Variants in GAS7 observed in about 807,000 individuals in gnomAD.
GAS7 encodes the protein growth arrest specific 7.
A neutral mutation model predicts 71.1 loss-of-function variants in GAS7; 28 were observed. The observed-to-expected ratio is 0.39, with a 90% CI of 0.29 to 0.54. The LOEUF (loss-of-function observed/expected upper bound fraction) is 0.54. GAS7 is among the 20% of genes least tolerant of loss of function. GAS7 has a pLI of 0.62. For synonymous variants in GAS7, 258 were observed against 245.8 expected, an observed-to-expected ratio of 1.05 and a Z score of -0.46; for missense variants, 436 against 627.8, an observed-to-expected ratio of 0.69 and a Z score of 3.27.
chr17:9,976,772 C>T (rs75934743), intron 3 of GAS7, among the ~76,000 whole-genome samples: 3,378 of 152,258 alleles, frequency 0.022, 94 homozygotes, highest in African/African-American at 0.063. Flanking sequence ...CTCCCACAAC[C>T]GCCCACCAGG....
chr17:10,127,978 C>G (rs187067215), intron 1 of GAS7, among the ~76,000 whole-genome samples: 5 of 152,348 alleles, frequency 3.3e-5, no homozygotes, highest in Admixed American at 1.3e-4. Context: ...AGCTAATCCT[C>G]TGCTCTCAGG....
At chr17:9,931,757 A>T (rs182329114) in intron 9 of GAS7, among the ~76,000 whole-genome samples, 1 of 152,280 alleles carries the variant, frequency 6.6e-6, no homozygotes, top group Non-Finnish European at 1.5e-5. Flanking sequence ...ATTCTCACTC[A>T]CATCTGGGTG....
rs773831004 is a variant in GAS7 at position 9,918,060 on chromosome 17, G to T, written c.1258C>A (p.Arg420=). 2 of 1,613,858 alleles carry T rather than the reference G, an allele frequency of 1.2e-6. No individual in the cohort carries two copies. Among genetic ancestry groups the T allele is most frequent in the Non-Finnish European group, 8.5e-7 (1 of 1,179,814 alleles). Residue 420 remains arginine (R), a synonymous_variant, in exon 13 of 14, where the codon CGG becomes AGG. Transcript: ENST00000432992. ...RLEVERVEMI[R]QHLCQYTQLR... ...TGCGTGTACTGGCACAGGTGCTGCCGGATCATCTCTACCCTCTCCACCTCC... is the reference window on the plus strand; with the variant it reads ...TGCGTGTACTGGCACAGGTGCTGCCTGATCATCTCTACCCTCTCCACCTCC...
chr17:9,997,655 C>T (rs2071100534), intron 2 of GAS7, among the ~76,000 whole-genome samples: 1 of 152,188 alleles, frequency 6.6e-6, no homozygotes, highest in Non-Finnish European at 1.5e-5. Context: ...AAGGCTCATT[C>T]CCACAAGACT....
chr17:10,158,482 A>T (rs1284414082), intron 1 of GAS7, among the ~76,000 whole-genome samples: 1 of 151,824 alleles, frequency 6.6e-6, no homozygotes, highest in Non-Finnish European at 1.5e-5. Flanking sequence ...TCCCACCTCT[A>T]TAAAAAGAAA....
Position 10,019,211 on chromosome 17 carries a change from C to T in GAS7, c.304+566G>A, listed in dbSNP as rs2072164648. Among the ~76,000 whole-genome samples the T allele has an allele frequency of 2.6e-5, 4 of 152,124 alleles. No homozygotes were observed. The South Asian group carries it at 8.3e-4, about 32-fold the overall frequency. On this transcript the variant is annotated intron_variant, in intron 2 of 13. Coordinates refer to ENST00000432992, the MANE Select transcript of GAS7 (RefSeq NM_201433.2). ...AACTCAGATGCACATGGAACCTGTA[C>T]TATTTGATGGGATAAATAACCCATA...
intron 7 of GAS7, among the ~76,000 whole-genome samples, chr17:9,941,392 T>C (rs2068597873): frequency 6.6e-6 from 1 of 152,302 alleles, no homozygotes; most frequent in East Asian, 1.9e-4. Flanking sequence ...ACGAGGTGCA[T>C]ACGCTGTCTG....
intron 1 of GAS7, among the ~76,000 whole-genome samples, chr17:10,107,404 G>A (rs2073767044): frequency 2.9e-5 from 2 of 69,310 alleles, no homozygotes; most frequent in African/African-American, 1.3e-4. Flanking sequence ...CATACAGAGT[G>A]GTCCAGTGGT....
At position 9,920,748 on chromosome 17, in the gene GAS7, A is replaced by T. The variant is rs2067775608; in HGVS notation, c.1139-1043T>A. On this transcript the variant is annotated intron_variant, in intron 11 of 13. Coordinates refer to ENST00000432992, the MANE Select transcript of GAS7 (RefSeq NM_201433.2). ...TCCTCATCCTCACAGGGCTCCAGCA[A>T]GAGGAAGGCATCATGGTGTTTGCTC... Among the ~76,000 whole-genome samples, 7 of 152,380 alleles carry T rather than the reference A, an allele frequency of 4.6e-5. No homozygotes were observed. In the South Asian group the frequency reaches 1.2e-3, roughly 27 times the overall value.
chr17:9,993,040 T>C (rs2152145044), intron 2 of GAS7, among the ~76,000 whole-genome samples: 1 of 152,108 alleles, frequency 6.6e-6, no homozygotes, highest in Middle Eastern at 3.4e-3. Flanking sequence ...GTCTTTGCTA[T>C]TGTGAATAAT....
chr17:10,063,616 G>A (rs186059351), intron 1 of GAS7, among the ~76,000 whole-genome samples: 7 of 152,224 alleles, frequency 4.6e-5, no homozygotes, highest in East Asian at 1.9e-4. Flanking sequence ...TAATAATGGC[G>A]GTGCCGAGAT....
chr17:10,165,129 C>CA (rs35413861), intron 1 of GAS7, among the ~76,000 whole-genome samples: 40,270 of 123,904 alleles, frequency 0.33, 5,775 homozygotes, highest in East Asian at 0.52. Context: ...CTAAAAAATA[C>CA]AAAAAAAAAA....
chr17:10,080,032 G>C (rs777514659), intron 1 of GAS7, among the ~76,000 whole-genome samples: 1 of 152,112 alleles, frequency 6.6e-6, no homozygotes, highest in Non-Finnish European at 1.5e-5. Flanking sequence ...GACCTACTGG[G>C]CTGCACTCCT....
At chr17:9,943,852 C>G (rs2068695933) in intron 6 of GAS7, among the ~76,000 whole-genome samples, 1 of 152,178 alleles carries the variant, frequency 6.6e-6, no homozygotes, top group Non-Finnish European at 1.5e-5. Context: ...TCACTCACTC[C>G]AGGCCTAAGC....
intron 8 of GAS7, among the ~76,000 whole-genome samples, chr17:9,938,137 G>T (rs1280554900): frequency 1.3e-5 from 2 of 152,250 alleles, no homozygotes; most frequent in African/African-American, 4.8e-5. Flanking sequence ...TGGCAATGGG[G>T]CCTTTAAGGA....
chr17:10,173,378 A>T (rs564429774), intron 1 of GAS7, among the ~76,000 whole-genome samples: 1 of 152,232 alleles, frequency 6.6e-6, no homozygotes, highest in South Asian at 2.1e-4. Context: ...GGCGGGGAAG[A>T]GGGAGAGAAA....
At chr17:10,173,467 A>G (rs886878563) in intron 1 of GAS7, among the ~76,000 whole-genome samples, 3 of 152,138 alleles carry the variant, frequency 2.0e-5, no homozygotes, top group Admixed American at 1.3e-4. Flanking sequence ...GCTCTGAGGT[A>G]TAAAAAGAGA....
chr17:10,028,996 G>T (rs1044667265), intron 1 of GAS7, among the ~76,000 whole-genome samples: 13 of 152,326 alleles, frequency 8.5e-5, no homozygotes, highest in African/African-American at 2.4e-4. Flanking sequence ...GGTTGATGGG[G>T]AGGAAAGTTC....
At chr17:10,144,445 A>T (rs1395848283) in intron 1 of GAS7, among the ~76,000 whole-genome samples, 1 of 152,230 alleles carries the variant, frequency 6.6e-6, no homozygotes, top group Non-Finnish European at 1.5e-5. Context: ...TTTTAAGATC[A>T]ACCCAAAATG....
Sources: gnomAD v4.1 joint callset for allele counts (sites outside exome capture counted in the v4.1 genomes callset) on GRCh38, gnomAD v4.1.1 for gene constraint, MANE v1.5 for transcripts, NCBI Gene and HGNC (gene_info 2026-07-23, HGNC 2026-07-21) for gene names.